LRRC4C: variants seen among roughly 807,000 people sequenced by gnomAD.
LRRC4C encodes the protein leucine rich repeat containing 4C, also known as leucine-rich repeat-containing protein 4C.
Under a neutral mutation model 33.6 loss-of-function variants are expected in LRRC4C, and 5 were observed. The observed-to-expected ratio is 0.15, with a 90% CI of 0.08 to 0.31. LRRC4C has a LOEUF of 0.31. LRRC4C is among the 10% of genes least tolerant of loss of function. The pLI is 1.00. For missense variants in LRRC4C, 560 were observed against 796.7 expected, an observed-to-expected ratio of 0.70 and a Z score of 3.58; for synonymous variants, 329 against 302.0, an observed-to-expected ratio of 1.09 and a Z score of -0.93.
At chr11:40,531,371 C>T (rs1956265417) in intron 3 of LRRC4C, among the ~76,000 whole-genome samples, 1 of 151,940 alleles carries the variant, frequency 6.6e-6, no homozygotes, top group African/African-American at 2.4e-5. Context: ...ATTGTGACGT[C>T]AAGAGAGTCG....
At chr11:40,389,084 T>C (rs751271238) in intron 3 of LRRC4C, among the ~76,000 whole-genome samples, 11 of 152,042 alleles carry the variant, frequency 7.2e-5, no homozygotes, top group South Asian at 2.1e-4. Context: ...ACTGGATGCA[T>C]AGGAAAGGAG....
chr11:41,419,751 G>A (rs1411791131), intron 1 of LRRC4C, among the ~76,000 whole-genome samples: 1 of 151,804 alleles, frequency 6.6e-6, no homozygotes, highest in East Asian at 1.9e-4. Context: ...TGTACCACAT[G>A]CAAAAATGGA....
intron 3 of LRRC4C, among the ~76,000 whole-genome samples, chr11:40,489,397 A>C (rs1954032550): frequency 6.6e-6 from 1 of 151,926 alleles, no homozygotes; most frequent in African/African-American, 2.4e-5. Flanking sequence ...CCACTTTCAT[A>C]ACCCTCTTTC....
intron 3 of LRRC4C, among the ~76,000 whole-genome samples, chr11:40,345,224 A>G (rs971924833): frequency 5.3e-5 from 8 of 152,178 alleles, no homozygotes; most frequent in Non-Finnish European, 1.2e-4. Flanking sequence ...GAACCAGAAA[A>G]GATCCCAAAT....
At chr11:40,865,577 A>T (rs1340900502) in intron 2 of LRRC4C, among the ~76,000 whole-genome samples, 2 of 151,168 alleles carry the variant, frequency 1.3e-5, no homozygotes, top group African/African-American at 4.9e-5. Context: ...GTGTAATTTT[A>T]TCTCTCAGTT....
chr11:40,633,192 T>G (rs1273546894), intron 3 of LRRC4C, among the ~76,000 whole-genome samples: 1 of 152,110 alleles, frequency 6.6e-6, no homozygotes. Context: ...AAGTCATCTT[T>G]GTTCACAGAA....
chr11:40,458,820 CT>C (rs1952254797), intron 3 of LRRC4C, among the ~76,000 whole-genome samples: 1 of 152,152 alleles, frequency 6.6e-6, no homozygotes, highest in Admixed American at 6.6e-5. Flanking sequence ...CTTCACTTGG[CT>C]TCAAAGAGTA....
intron 3 of LRRC4C, among the ~76,000 whole-genome samples, chr11:40,554,108 AT>A (rs1194159655): frequency 6.6e-6 from 1 of 152,180 alleles, no homozygotes; most frequent in East Asian, 1.9e-4. Context: ...TCCTGAGTTA[AT>A]TTTTTTATAT....
chr11:41,407,828 C>T (rs1372102700), intron 1 of LRRC4C, among the ~76,000 whole-genome samples: 2 of 152,110 alleles, frequency 1.3e-5, no homozygotes, highest in Admixed American at 6.5e-5. Flanking sequence ...AAGATGGTGT[C>T]ACCACACTCT....
intron 1 of LRRC4C, among the ~76,000 whole-genome samples, chr11:41,448,042 G>A (rs887500357): frequency 2.7e-5 from 4 of 148,014 alleles, no homozygotes; most frequent in Admixed American, 2.1e-4. Flanking sequence ...ATTTGTAATG[G>A]GTCTCCAACT....
chr11:40,751,875 CA>C (rs1208725306), intron 2 of LRRC4C, among the ~76,000 whole-genome samples: 2 of 151,902 alleles, frequency 1.3e-5, no homozygotes, highest in Admixed American at 6.6e-5. Context: ...CTACAGTAAC[CA>C]AAAAACAGGA....
intron 3 of LRRC4C, among the ~76,000 whole-genome samples, chr11:40,425,622 G>A (rs959792582): frequency 2.6e-5 from 4 of 152,144 alleles, no homozygotes; most frequent in African/African-American, 9.7e-5. Flanking sequence ...AATGGGAGTC[G>A]AAGTGAATAG....
Position 41,002,381 on chromosome 11 carries a change from T to G in LRRC4C, c.-495-68658A>C, listed in dbSNP as rs1204346484. On this transcript the variant is annotated intron_variant, in intron 1 of 6. Transcript: ENST00000528697. ...TTCTCAAATTACCCATCATCCATCT[T>G]GCCATTGGATCCACATCCTTCTGCT... Among the ~76,000 whole-genome samples, 4 of 152,248 alleles carry G rather than the reference T, an allele frequency of 2.6e-5. No individual in the cohort carries two copies. The East Asian group carries it at 7.8e-4, about 30-fold the overall frequency.
At chr11:41,277,914 A>G (rs1031210326) in intron 1 of LRRC4C, among the ~76,000 whole-genome samples, 1 of 151,924 alleles carries the variant, frequency 6.6e-6, no homozygotes, top group African/African-American at 2.4e-5. Context: ...ACATTATGTT[A>G]AATGACTTAA....
At chr11:40,996,828 C>T (rs1232905040) in intron 1 of LRRC4C, among the ~76,000 whole-genome samples, 1 of 152,078 alleles carries the variant, frequency 6.6e-6, no homozygotes, top group Non-Finnish European at 1.5e-5. Context: ...CTCTCATAAA[C>T]TAATAGAGCA....
chr11:40,347,521 A>T (rs1234199908), intron 3 of LRRC4C, among the ~76,000 whole-genome samples: 2 of 152,092 alleles, frequency 1.3e-5, no homozygotes, highest in Admixed American at 6.6e-5. Context: ...ACTGTATGGC[A>T]TTGTGCCTTC....
At chr11:41,405,474 G>C (rs1954197697) in intron 1 of LRRC4C, among the ~76,000 whole-genome samples, 1 of 151,964 alleles carries the variant, frequency 6.6e-6, no homozygotes, top group South Asian at 2.1e-4. Context: ...ATTTCTTTAG[G>C]CTCTGATAGG....
chr11:40,859,959 G>A (rs974912900), intron 2 of LRRC4C, among the ~76,000 whole-genome samples: 1 of 152,102 alleles, frequency 6.6e-6, no homozygotes, highest in Non-Finnish European at 1.5e-5. Flanking sequence ...GGTGGCAGGC[G>A]CCTGTAGTCC....
chr11:41,256,160 T>G (rs1325768746), intron 1 of LRRC4C, among the ~76,000 whole-genome samples: 2 of 151,988 alleles, frequency 1.3e-5, no homozygotes, highest in African/African-American at 4.8e-5. Context: ...ATCCAAAGCA[T>G]TCTCACCTTT....
Sources: allele counts gnomAD v4.1 joint callset (sites outside exome capture counted in the v4.1 genomes callset), GRCh38; gene constraint gnomAD v4.1.1; transcripts MANE v1.5; gene names NCBI Gene and HGNC (gene_info 2026-07-23, HGNC 2026-07-21).